The following DCDC1 variants were observed in gnomAD, a reference collection of about 807,000 sequenced individuals.
The protein encoded by DCDC1 is doublecortin domain-containing protein 1.
A neutral mutation model predicts 178.3 loss-of-function variants in DCDC1; 200 were observed. The ratio of observed to expected loss-of-function variants is 1.12; its 90% CI spans 1.00 to 1.26. DCDC1 has a LOEUF of 1.26. Ranked by LOEUF, DCDC1 falls within the 50% of genes most tolerant of loss-of-function variation. DCDC1 has a pLI of 0.00. For missense variants in DCDC1, 1,983 were observed against 1,749.2 expected, an observed-to-expected ratio of 1.13 and a Z score of -2.38; for synonymous variants, 690 against 604.8, an observed-to-expected ratio of 1.14 and a Z score of -2.07.
At chr11:31,038,720 C>A (rs1954239257) in intron 20 of DCDC1, among the ~76,000 whole-genome samples, 1 of 152,148 alleles carries the variant, frequency 6.6e-6, no homozygotes, top group South Asian at 2.1e-4. Flanking sequence ...AATAGTGCTC[C>A]TGGCATGGAG....
intron 9 of DCDC1, among the ~76,000 whole-genome samples, chr11:31,221,062 A>G (rs1974205038): frequency 6.6e-6 from 1 of 152,168 alleles, no homozygotes; most frequent in Admixed American, 6.6e-5. Context: ...GGCTTCAATC[A>G]GAGAATCTAG....
intron 36 of DCDC1, among the ~76,000 whole-genome samples, chr11:30,886,133 C>T (rs518927): frequency 0.011 from 1,605 of 151,994 alleles, 19 homozygotes; most frequent in African/African-American, 0.037. Flanking sequence ...AAAAAATTAT[C>T]ATTGTTTAGA....
At chr11:31,270,244 A>G (rs1397442936) in intron 7 of DCDC1, among the ~76,000 whole-genome samples, 6 of 152,218 alleles carry the variant, frequency 3.9e-5, no homozygotes, top group African/African-American at 1.4e-4. Context: ...GATGAATCAT[A>G]CTTTGTGATA....
At chr11:31,133,131 T>C (rs1289560690) in intron 10 of DCDC1, among the ~76,000 whole-genome samples, 3 of 152,210 alleles carry the variant, frequency 2.0e-5, no homozygotes, top group African/African-American at 7.2e-5. Flanking sequence ...GAGCCATACA[T>C]TGTGAATACT....
At chr11:31,194,110 T>C (rs977288720) in intron 9 of DCDC1, among the ~76,000 whole-genome samples, 3 of 152,096 alleles carry the variant, frequency 2.0e-5, no homozygotes, top group African/African-American at 4.8e-5. Flanking sequence ...ACTGCAGTCA[T>C]TTGGCTACGA....
chr11:31,092,511 A>G (rs1342111178), intron 16 of DCDC1, among the ~76,000 whole-genome samples: 1 of 152,216 alleles, frequency 6.6e-6, no homozygotes, highest in African/African-American at 2.4e-5. Flanking sequence ...AAAGCAGATA[A>G]GACTAACATC....
chr11:31,299,057 A>C (rs1311005559), intron 6 of DCDC1, among the ~76,000 whole-genome samples: 1 of 152,244 alleles, frequency 6.6e-6, no homozygotes, highest in Non-Finnish European at 1.5e-5. Flanking sequence ...GCTATATTCA[A>C]TTATATCATC....
chr11:31,316,010 AT>A (rs1271644932), intron 3 of DCDC1, among the ~76,000 whole-genome samples: 1 of 94,852 alleles, frequency 1.1e-5, no homozygotes, highest in African/African-American at 6.4e-5. Flanking sequence ...GCTGCATAGT[AT>A]TCCACGGTGT....
chr11:31,009,438 T>TTG (rs139389381), intron 20 of DCDC1, among the ~76,000 whole-genome samples: 75,815 of 144,310 alleles, frequency 0.53, 20,189 homozygotes, highest in Middle Eastern at 0.64. Context: ...CACAGTTTCT[T>TTG]TGTGTGTGTG....
chr11:31,092,690 T>G (rs923529212), intron 16 of DCDC1, among the ~76,000 whole-genome samples: 1 of 152,232 alleles, frequency 6.6e-6, no homozygotes, highest in Non-Finnish European at 1.5e-5. Flanking sequence ...CATGAAATTC[T>G]AGAAACAGAT....
intron 15 of DCDC1, among the ~76,000 whole-genome samples, chr11:31,095,713 G>A (rs550041181): frequency 1.5e-3 from 231 of 152,208 alleles, no homozygotes; most frequent in Admixed American, 2.6e-3. Flanking sequence ...ATATGCCAAA[G>A]GTGTTGTGCA....
intron 8 of DCDC1, among the ~76,000 whole-genome samples, chr11:31,245,150 G>A (rs1943457697): frequency 6.6e-6 from 1 of 150,822 alleles, no homozygotes; most frequent in Admixed American, 6.6e-5. Context: ...AATGATTTAG[G>A]TAGAATTAAT....
intron 16 of DCDC1, among the ~76,000 whole-genome samples, chr11:31,092,381 A>T (rs923442944): frequency 6.6e-6 from 1 of 152,190 alleles, no homozygotes; most frequent in Non-Finnish European, 1.5e-5. Context: ...GTCTATACAG[A>T]AAAAAGAACT....
intron 3 of DCDC1, among the ~76,000 whole-genome samples, chr11:31,312,357 G>C (rs1227663828): frequency 2.0e-5 from 3 of 152,214 alleles, no homozygotes; most frequent in South Asian, 4.1e-4. Flanking sequence ...AGTAAACCAA[G>C]GGCTTACGGT....
intron 9 of DCDC1, among the ~76,000 whole-genome samples, chr11:31,229,135 A>T (rs1975418709): frequency 6.6e-6 from 1 of 152,100 alleles, no homozygotes; most frequent in South Asian, 2.1e-4. Context: ...TGTAAACAAA[A>T]CTCCAGGCCC....
intron 20 of DCDC1, among the ~76,000 whole-genome samples, chr11:30,962,221 AAATT>A (rs2134588320): frequency 6.6e-6 from 1 of 152,258 alleles, no homozygotes; most frequent in Non-Finnish European, 1.5e-5. Flanking sequence ...TAATTTTTGT[AAATT>A]AAACATTATT....
chr11:31,109,280 G>A (rs1227239493), intron 12 of DCDC1, among the ~76,000 whole-genome samples: 1 of 151,854 alleles, frequency 6.6e-6, no homozygotes, highest in Non-Finnish European at 1.5e-5. Context: ...ACCATGCCAG[G>A]CTAATTTTTT....
At chr11:31,289,093 A>C (rs1008000696) in intron 7 of DCDC1, among the ~76,000 whole-genome samples, 4 of 152,020 alleles carry the variant, frequency 2.6e-5, no homozygotes, top group African/African-American at 4.8e-5. Context: ...TCCAGTTTTA[A>C]ATAAATTCCT....
chr11:31,165,353 C>A (rs754655482), intron 9 of DCDC1, among the ~76,000 whole-genome samples: 7 of 151,628 alleles, frequency 4.6e-5, no homozygotes, highest in Non-Finnish European at 7.4e-5. Context: ...CTTAAAGAGA[C>A]AGGGTCTTGC....
Sources: allele counts gnomAD v4.1 joint callset (sites outside exome capture counted in the v4.1 genomes callset), GRCh38; gene constraint gnomAD v4.1.1; transcripts MANE v1.5; gene names NCBI Gene and HGNC (gene_info 2026-07-23, HGNC 2026-07-21).